Variants in PHEX observed in about 807,000 individuals in gnomAD.
PHEX encodes phosphate regulating endopeptidase X-linked.
Under a neutral mutation model 68.0 loss-of-function variants are expected in PHEX, and 16 were observed. That is an observed-to-expected ratio of 0.24 (90% CI 0.16 to 0.36). The LOEUF is 0.36. PHEX is among the 10% of genes least tolerant of loss of function. The pLI is 1.00. For synonymous variants in PHEX, 208 were observed against 205.1 expected (o/e 1.01, Z -0.12); for missense variants, 480 against 575.5 (o/e 0.83, Z 1.70).
intron 13 of PHEX, among the ~76,000 whole-genome samples, chrX:22,177,927 G>T (rs781219229): frequency 8.9e-6 from 1 of 112,130 alleles, no homozygotes; most frequent in Non-Finnish European, 1.9e-5. Flanking sequence ...TCAAGGACTC[G>T]TGAGCCAAGA....
chrX:22,171,666 A>G (rs1302345640), intron 13 of PHEX: 2 of 110,862 alleles, frequency 1.8e-5, no homozygotes, highest in Non-Finnish European at 3.8e-5. Flanking sequence ...AATGAATAAA[A>G]CCCACCCTAA....
At chrX:22,090,268 A>C (rs1419912775) in intron 5 of PHEX, among the ~76,000 whole-genome samples, 161 bp from the exon 6 acceptor site, 3 of 112,611 alleles carry the variant, frequency 2.7e-5, no homozygotes, top group Non-Finnish European at 5.6e-5. Context: ...TCATTGCCAA[A>C]GTGCCTATTT....
chrX:22,077,622 C>T lies in PHEX; in HGVS notation c.583C>T (p.Arg195Cys). ...FSLLQTLATF[R>C]GQYSNSVFIR... Reference sequence around the variant, plus strand: ...CCTTCTGCAGACACTTGCAACGTTTCGTGGTCAATACAGCAATTCTGTGTT... The same window carrying T: ...CCTTCTGCAGACACTTGCAACGTTTTGTGGTCAATACAGCAATTCTGTGTT... Residue 195 changes from arginine (R) to cysteine (C), a missense_variant, in exon 5 of 22, where the codon CGT (arginine) becomes TGT (cysteine). By Grantham distance (180) the Arg-to-Cys change is radical. Transcript: ENST00000379374. The T allele has an allele frequency of 2.5e-6, 3 of 1,210,630 alleles. No individual in the cohort carries two copies. Among genetic ancestry groups the T allele is most frequent in the Non-Finnish European group, 3.4e-6 (3 of 894,769 alleles).
chrX:22,071,078 G>A (rs76933492), intron 3 of PHEX, among the ~76,000 whole-genome samples: 8,292 of 111,329 alleles, frequency 0.074, 327 homozygotes, highest in Middle Eastern at 0.15. Context: ...TTTCCTTTTT[G>A]TATTCTAGAG....
chrX:22,103,730 A>G (rs1311914239), intron 9 of PHEX, among the ~76,000 whole-genome samples: 1 of 111,921 alleles, frequency 8.9e-6, no homozygotes, highest in East Asian at 2.8e-4. Flanking sequence ...TTGGTTCCAT[A>G]TTTTTGCGAT....
chrX:22,134,201 A>G (rs1932136238), intron 12 of PHEX, among the ~76,000 whole-genome samples: 1 of 112,627 alleles, frequency 8.9e-6, no homozygotes, highest in African/African-American at 3.2e-5. Flanking sequence ...ATTTCCTAAT[A>G]GAAGTGGACA....
chrX:22,045,010 T>G (rs1345587290), intron 2 of PHEX, among the ~76,000 whole-genome samples: 2 of 108,793 alleles, frequency 1.8e-5, no homozygotes, highest in African/African-American at 3.4e-5. Flanking sequence ...TAAACCAATT[T>G]TTTGCTAGTG....
Position 22,176,395 on chromosome X carries a change from AAAAAAAAATAT to A in PHEX, c.1483-1876_1483-1866del, listed in dbSNP as rs1479339719. Reference sequence around the variant, plus strand: ...GAGCGAGACTGTCTCAAAAAAAAAAAAAAAAAAATATATATATATATATATATATATGTATG... The same window carrying A: ...GAGCGAGACTGTCTCAAAAAAAAAAAATATATATATATATATATATGTATG... On this transcript the variant is annotated intron_variant, in intron 13 of 21. Coordinates refer to ENST00000379374, the MANE Select transcript of PHEX (RefSeq NM_000444.6). Among the ~76,000 whole-genome samples the A allele has an allele frequency of 6.8e-3, 587 of 86,110 alleles. 3 individuals carry two copies. The highest frequency in any genetic ancestry group is 0.027 in the African/African-American group (532 of 20,042). The allele number at this position is 86,110 out of a possible 115,157, so 74.8% of individuals were successfully genotyped here.
At chrX:22,122,984 ATTTTTTT>A (rs34894623) in intron 11 of PHEX, among the ~76,000 whole-genome samples, 1 of 72,290 alleles carries the variant, frequency 1.4e-5, no homozygotes, top group Non-Finnish European at 2.5e-5. Context: ...TAGGGTCTGC[ATTTTTTT>A]TTTTTTTTTT....
intron 13 of PHEX, among the ~76,000 whole-genome samples, chrX:22,168,854 A>G (rs1358438062): frequency 8.9e-6 from 1 of 112,162 alleles, no homozygotes; most frequent in Non-Finnish European, 1.9e-5. Context: ...ATACGACTCT[A>G]TAATTTATTG....
chrX:22,240,581 C>CA (rs755236973), intron 20 of PHEX, among the ~76,000 whole-genome samples: 27,128 of 103,331 alleles, frequency 0.26, 2,850 homozygotes, highest in Middle Eastern at 0.37. Context: ...CAAAAACAAA[C>CA]AAAAAAAAAA....
chrX:22,138,469 T>A (rs1022308059), intron 12 of PHEX, among the ~76,000 whole-genome samples: 2 of 111,193 alleles, frequency 1.8e-5, no homozygotes, highest in Admixed American at 1.9e-4. Context: ...ACGAAAGGGG[T>A]CCTGGGAGTC....
intron 12 of PHEX, among the ~76,000 whole-genome samples, chrX:22,164,466 AAAAGGATTCAATAACCTGC>A (rs1383894084): frequency 9.0e-6 from 1 of 111,458 alleles, no homozygotes; most frequent in East Asian, 2.8e-4. Context: ...TAAATAATAA[AAAAGGATTCAATAACCTGC>A]ATAGATGGTG....
intron 14 of PHEX, among the ~76,000 whole-genome samples, chrX:22,187,668 T>A (rs900657090): frequency 8.9e-5 from 10 of 111,786 alleles, no homozygotes; most frequent in Non-Finnish European, 1.7e-4. Context: ...CCAAGTTAGG[T>A]CAATAGAGGT....
At chrX:22,180,499 G>T (rs1283215653) in intron 14 of PHEX, among the ~76,000 whole-genome samples, 1 of 111,115 alleles carries the variant, frequency 9.0e-6, no homozygotes, top group East Asian at 2.9e-4. Context: ...AAAATGTTGT[G>T]GGTATGTAGT....
At chrX:22,186,643 G>T (rs1234651178) in intron 14 of PHEX, among the ~76,000 whole-genome samples, 1 of 112,393 alleles carries the variant, frequency 8.9e-6, no homozygotes, top group Non-Finnish European at 1.9e-5. Context: ...TATCAGCTCT[G>T]GGTATTATCA....
chrX:22,227,767 T>A (rs987612946), intron 20 of PHEX, among the ~76,000 whole-genome samples, 156 bp downstream of exon 20: 3 of 112,447 alleles, frequency 2.7e-5, no homozygotes, highest in Non-Finnish European at 5.6e-5. Context: ...CTCATCTTCT[T>A]AATGTTCTGT....
At chrX:22,107,828 G>A (rs748612604) in intron 9 of PHEX, among the ~76,000 whole-genome samples, 2 of 111,685 alleles carry the variant, frequency 1.8e-5, no homozygotes, top group African/African-American at 3.3e-5. Context: ...AGGAAATCAG[G>A]GACTATCCAT....
intron 12 of PHEX, among the ~76,000 whole-genome samples, chrX:22,167,961 GA>G (rs751949584): frequency 9.0e-6 from 1 of 111,631 alleles, no homozygotes; most frequent in South Asian, 3.7e-4. Context: ...TCTACATTTT[GA>G]AATCCTAACC....
Sources: gnomAD v4.1 joint callset for allele counts (sites outside exome capture counted in the v4.1 genomes callset) on GRCh38, gnomAD v4.1.1 for gene constraint, MANE v1.5 for transcripts, NCBI Gene and HGNC (gene_info 2026-07-23, HGNC 2026-07-21) for gene names.